Variants in ARHGEF39 observed in about 807,000 individuals in gnomAD.
ARHGEF39 encodes the protein Rho guanine nucleotide exchange factor 39.
ARHGEF39 carries 45 observed loss-of-function variants against 47.5 expected under a neutral mutation model. That is an observed-to-expected ratio of 0.95 (90% CI 0.75 to 1.22). The LOEUF (loss-of-function observed/expected upper bound fraction) is 1.22. ARHGEF39 is among the 50% of genes most tolerant of loss of function. The probability of loss-of-function intolerance (pLI) is 0.00; values close to 1 mark genes in which losing one functional copy is unlikely to be tolerated. For missense variants in ARHGEF39, 411 were observed against 425.3 expected (o/e 0.97, Z 0.30); for synonymous variants, 164 against 167.8 (o/e 0.98, Z 0.17).
At chr9:35,663,108 AACTTTG>A (rs1171296518) in intron 5 of ARHGEF39, 34 bp from the exon 6 acceptor site, 45 of 1,608,494 alleles carry the variant, frequency 2.8e-5, no homozygotes, top group Non-Finnish European at 3.8e-5. Flanking sequence ...CTCCCCATAC[AACTTTG>A]ACTTTGGGTG....
chr9:35,663,576 A>G (rs1762899554), intron 4 of ARHGEF39, among the ~76,000 whole-genome samples, 184 bp from the exon 5 acceptor site: 1 of 152,156 alleles, frequency 6.6e-6, no homozygotes, highest in Non-Finnish European at 1.5e-5. Context: ...GCCCTCTTCC[A>G]TCCCACACTG....
At position 35,661,469 on chromosome 9, in the gene ARHGEF39, C is replaced by T. The variant is rs940767181; in HGVS notation, c.*518G>A. On this transcript the variant is annotated 3_prime_UTR_variant, in exon 9 of 9. Coordinates refer to ENST00000378387, the MANE Select transcript of ARHGEF39 (RefSeq NM_032818.3). ...AAAAGAAAAAAAACTTTACTCAAAT[C>T]CAGTGGAAAAATAAATGATAGAAAC... 2.1e-6 allele frequency: 1 copy of T among 467,510 alleles called. No homozygotes were observed. 29.0% of individuals were successfully genotyped at this position (467,510 alleles called of 1,614,324 possible).
Position 35,665,194 on chromosome 9 carries a change from C to A in ARHGEF39, c.-25G>T, listed in dbSNP as rs985376366. 5 of 1,452,378 alleles carry A rather than the reference C, an allele frequency of 3.4e-6. No individual in the cohort carries two copies. The South Asian group carries it at 6.9e-5, about 20-fold the overall frequency. The allele number at this position is 1,452,378 out of a possible 1,614,324, so 90.0% of individuals were successfully genotyped here. The stretch of plus-strand genomic sequence containing the variant: ...TGCCCTGGCTGAGGGATCGACACTT[C>A]CGGCTGCAGTCCGCGGCAGATTCAA... On this transcript the variant is annotated 5_prime_UTR_variant, in exon 1 of 9. Transcript: ENST00000378387.
rs761267468 is a variant in ARHGEF39 at position 35,661,153 on chromosome 9, C to G, written c.*834G>C. On this transcript the variant is annotated 3_prime_UTR_variant, in exon 9 of 9. Coordinates refer to ENST00000378387, the MANE Select transcript of ARHGEF39 (RefSeq NM_032818.3). The stretch of plus-strand genomic sequence containing the variant: ...CTTGGCTGGGAAGGAGGGACGACAG[C>G]TGAAGGTCGACTAAAACAAAGTCTG... 3 of 1,607,166 alleles carry G rather than the reference C, an allele frequency of 1.9e-6. No homozygotes were observed. The Admixed American group carries it at 5.1e-5, about 27-fold the overall frequency.
At position 35,660,301 on chromosome 9, in the gene ARHGEF39, T is replaced by C. The variant is rs768872766; in HGVS notation, c.*1686A>G. Reference sequence around the variant, plus strand: ...CTGAGGTAAAAACCCAATCACTGTCTCCATCTCAAATTGCACTCTCTCTTG... The same window carrying C: ...CTGAGGTAAAAACCCAATCACTGTCCCCATCTCAAATTGCACTCTCTCTTG... On this transcript the variant is annotated 3_prime_UTR_variant, in exon 9 of 9. Coordinates refer to ENST00000378387, the MANE Select transcript of ARHGEF39 (RefSeq NM_032818.3). 9.0e-6 allele frequency: 9 copies of C among 1,004,040 alleles called. No individual in the cohort carries two copies. The highest frequency in any genetic ancestry group is 1.2e-5 in the Non-Finnish European group (8 of 669,704). The allele number at this position is 1,004,040 out of a possible 1,614,324, so 62.2% of individuals were successfully genotyped here. A position where few individuals can be genotyped will look rare whatever the true frequency, so the allele number is the denominator to read the frequency against.
chr9:35,662,657 T>C lies in ARHGEF39; in HGVS notation c.758A>G (p.Asp253Gly), dbSNP rs1824019350. 6.2e-7 allele frequency: 1 copy of C among 1,611,226 alleles called. No homozygotes were observed. The highest frequency in any genetic ancestry group is 1.3e-5 in the African/African-American group (1 of 74,736). The change falls in exon 7 of 9, where the codon GAT (aspartate) becomes GGT (glycine). Residue 253 changes from aspartate (D) to glycine (G), a missense_variant. Coordinates refer to ENST00000378387, the MANE Select transcript of ARHGEF39 (RefSeq NM_032818.3). ...CCGAGGCTTGGCCATGAGGAGCACA[T>C]CAGTGAAGAGGAAGAACATGCGGGG... ...PRPRMFFLFTDVLLMAKPRPP... is the reference protein window; with the variant it reads ...PRPRMFFLFTGVLLMAKPRPP...
rs1221045548 is a variant in ARHGEF39, at chr9:35,660,882, G to A, written c.*1105C>T. The stretch of plus-strand genomic sequence containing the variant: ...AGGTGAAGGCTCGGGAGGCGAGTCT[G>A]CTGGAGGTGGAGACAAAGTCTCTGA... On this transcript the variant is annotated 3_prime_UTR_variant, in exon 9 of 9. Coordinates refer to ENST00000378387, the MANE Select transcript of ARHGEF39 (RefSeq NM_032818.3). 1.2e-6 allele frequency: 2 copies of A among 1,614,032 alleles called. No individual in the cohort carries two copies. Among genetic ancestry groups the A allele is most frequent in the Non-Finnish European group, 8.5e-7 (1 of 1,180,042 alleles).
rs779358799 is a variant in ARHGEF39, at chr9:35,662,637, G to C, written c.778C>G (p.Pro260Ala). Residue 260 changes from proline (P) to alanine (A), a missense_variant, in exon 7 of 9, where the codon CCT (proline) becomes GCT (alanine). Physicochemically the swap from Pro to Ala is conservative, Grantham distance 27. Coordinates refer to ENST00000378387, the MANE Select transcript of ARHGEF39 (RefSeq NM_032818.3). ...CGCAGCAGGTGCAGTGGAGGCCGAGGCTTGGCCATGAGGAGCACATCAGTG... is the reference window on the plus strand; with the variant it reads ...CGCAGCAGGTGCAGTGGAGGCCGAGCCTTGGCCATGAGGAGCACATCAGTG... ...LFTDVLLMAK[P>A]RPPLHLLRSG... 57 of 1,613,430 alleles carry C rather than the reference G, an allele frequency of 3.5e-5. No individual in the cohort carries two copies. The highest frequency in any genetic ancestry group is 4.7e-5 in the Non-Finnish European group (56 of 1,179,766).
Position 35,662,699 on chromosome 9 carries a change from G to C in ARHGEF39, c.716C>G (p.Pro239Arg). ...LRQGWLLVVP[P>R]HGEPRPRMFF... ...CATGCGGGGCCGAGGCTCCCCATGG[G>C]GAGGCACCACTAACAGCCAGCCCTG... is the stretch of plus-strand genomic sequence containing the variant. Residue 239 changes from proline to arginine, a missense_variant, in exon 7 of 9, where the codon CCC becomes CGC. By Grantham distance (103) the Pro-to-Arg change is moderately radical. Coordinates refer to ENST00000378387, the MANE Select transcript of ARHGEF39 (RefSeq NM_032818.3). 1 of 1,577,708 alleles carries C rather than the reference G, an allele frequency of 6.3e-7. No homozygotes were observed. Among genetic ancestry groups the C allele is most frequent in the Non-Finnish European group, 8.6e-7 (1 of 1,161,910 alleles).
intron 1 of ARHGEF39, 21 bp from the exon 2 acceptor site, chr9:35,664,871 G>C (rs1017675158): frequency 1.2e-6 from 2 of 1,602,884 alleles, no homozygotes; most frequent in African/African-American, 2.7e-5. Flanking sequence ...AGAGAACATT[G>C]GTTCTTAGCC....
Position 35,664,820 on chromosome 9 carries a change from TC to T in ARHGEF39, c.168del (p.Thr57ProfsTer65). The T allele has an allele frequency of 6.2e-7, 1 of 1,611,152 alleles. No homozygotes were observed. ...TYFLGILKAK[G>X]TLRPPERQAL... ...GCCTGGCGCTCAGGTGGTCGCAGGGTCCCCTTGGCTTTCAGGATCCCCAAAA... is the reference window on the plus strand; with the variant it reads ...GCCTGGCGCTCAGGTGGTCGCAGGGTCCCTTGGCTTTCAGGATCCCCAAAA... On this transcript the variant is annotated frameshift_variant, in exon 2 of 9. Transcript: ENST00000378387. LOFTEE classifies it high-confidence loss of function.
chr9:35,661,920 T>G lies in ARHGEF39; in HGVS notation c.*67A>C. On this transcript the variant is annotated 3_prime_UTR_variant, in exon 9 of 9. Transcript: ENST00000378387. ...GTTCTGTTTTGTTCAGTACTGAAGA[T>G]TCCTTTGTACTCTTGGCTGTGACCT... 1 of 1,544,274 alleles carries G rather than the reference T, an allele frequency of 6.5e-7. No homozygotes were observed. Among genetic ancestry groups the G allele is most frequent in the Non-Finnish European group, 8.8e-7 (1 of 1,132,318 alleles).
Position 35,660,980 on chromosome 9 carries a change from GGAC to G in ARHGEF39, c.*1004_*1006del, listed in dbSNP as rs778711357. ...TTCCTGAGGACTTCTGTTTAAAGGA[GGAC>G]GAGGAGGAGATTGGTGACAGTCAGG... is the stretch of plus-strand genomic sequence containing the variant. On this transcript the variant is annotated 3_prime_UTR_variant, in exon 9 of 9. Coordinates refer to ENST00000378387, the MANE Select transcript of ARHGEF39 (RefSeq NM_032818.3). 3.7e-6 allele frequency: 6 copies of G among 1,614,166 alleles called. No homozygotes were observed. The Admixed American group carries it at 1.0e-4, about 27-fold the overall frequency.
intron 5 of ARHGEF39, 72 bp from the exon 6 acceptor site, chr9:35,663,146 T>C: frequency 1.9e-6 from 3 of 1,605,152 alleles, no homozygotes; most frequent in Middle Eastern, 3.3e-4. Context: ...AAAGAGGTTA[T>C]TCTGGAAGGG....
chr9:35,662,655 C>G lies in ARHGEF39; in HGVS notation c.760G>C (p.Val254Leu). ...RPRMFFLFTD[V>L]LLMAKPRPPL... ...GGCCGAGGCTTGGCCATGAGGAGCA[C>G]ATCAGTGAAGAGGAAGAACATGCGG... Residue 254 changes from valine (V) to leucine (L), a missense_variant, in exon 7 of 9, where the codon GTG becomes CTG. Transcript: ENST00000378387. The G allele has an allele frequency of 6.2e-7, 1 of 1,611,774 alleles. No homozygotes were observed. Among genetic ancestry groups the G allele is most frequent in the Non-Finnish European group, 8.5e-7 (1 of 1,178,998 alleles).
chr9:35,663,015 T>G lies in ARHGEF39; in HGVS notation c.604A>C (p.Lys202Gln), dbSNP rs376267436. 13 of 1,611,202 alleles carry G rather than the reference T, an allele frequency of 8.1e-6. No individual in the cohort carries two copies. In the South Asian group the frequency reaches 1.3e-4, roughly 16 times the overall value. The change falls in exon 6 of 9, where the codon AAG becomes CAG. Residue 202 changes from lysine (K) to glutamine (Q), a missense_variant. Physicochemically the swap from Lys to Gln is moderately conservative, Grantham distance 53 (BLOSUM62 1). Transcript: ENST00000378387. ...ACACGCCGAAGGTGCTGGTCATTCTTCTGTTTCTGACCAATAGTATGGACT... is the reference window on the plus strand; with the variant it reads ...ACACGCCGAAGGTGCTGGTCATTCTGCTGTTTCTGACCAATAGTATGGACT... ...QRVHTIGQKQ[K>Q]NDQHLRRVQA...
rs2131823056 is a variant in ARHGEF39 at position 35,661,970 on chromosome 9, G to C, written c.*17C>G. ...TATCCCTGAGGTATCCTGAGTTCTG[G>C]AATCTATAAGATTCCTCTAGTTTTT... On this transcript the variant is annotated 3_prime_UTR_variant, in exon 9 of 9. Coordinates refer to ENST00000378387, the MANE Select transcript of ARHGEF39 (RefSeq NM_032818.3). 1.2e-6 allele frequency: 2 copies of C among 1,613,210 alleles called. No individual in the cohort carries two copies. The highest frequency in any genetic ancestry group is 1.7e-6 in the Non-Finnish European group (2 of 1,179,496).
rs1563912961 is a variant in ARHGEF39 at position 35,660,967 on chromosome 9, T to G, written c.*1020A>C. 1 of 1,614,114 alleles carries G rather than the reference T, an allele frequency of 6.2e-7. No homozygotes were observed. The highest frequency in any genetic ancestry group is 8.5e-7 in the Non-Finnish European group (1 of 1,180,012). On this transcript the variant is annotated 3_prime_UTR_variant, in exon 9 of 9. Transcript: ENST00000378387. The stretch of plus-strand genomic sequence containing the variant: ...GCCAGCAGACCTCTTCCTGAGGACT[T>G]CTGTTTAAAGGAGGACGAGGAGGAG...
Position 35,660,165 on chromosome 9 carries a change from G to A in ARHGEF39, c.*1822C>T, listed in dbSNP as rs959527842. 4 of 443,714 alleles carry A rather than the reference G, an allele frequency of 9.0e-6. No homozygotes were observed. Among genetic ancestry groups the A allele is most frequent in the South Asian group, 3.3e-5 (1 of 30,066 alleles). 27.5% of individuals were successfully genotyped at this position (443,714 alleles called of 1,614,324 possible). On this transcript the variant is annotated 3_prime_UTR_variant, in exon 9 of 9. Coordinates refer to ENST00000378387, the MANE Select transcript of ARHGEF39 (RefSeq NM_032818.3). The stretch of plus-strand genomic sequence containing the variant: ...CAGCCACCAGAGCTTTTTTCAAACC[G>A]GAGGGAGTTGCTCATTCCTGGAGGT...
Sources: gnomAD v4.1 joint callset for allele counts (sites outside exome capture counted in the v4.1 genomes callset) on GRCh38, gnomAD v4.1.1 for gene constraint, MANE v1.5 for transcripts, NCBI Gene and HGNC (gene_info 2026-07-23, HGNC 2026-07-21) for gene names.